Variants in ZNF541 observed in about 807,000 individuals in gnomAD.
ZNF541 encodes zinc finger protein 541.
ZNF541 carries 23 observed loss-of-function variants against 123.5 expected under a neutral mutation model. The observed-to-expected ratio is 0.19, with a 90% CI of 0.13 to 0.26. The LOEUF (loss-of-function observed/expected upper bound fraction) is 0.26, where lower values mean the gene tolerates loss of function less well. Ranked by LOEUF, ZNF541 falls within the 10% of genes least tolerant of loss-of-function variation. The pLI, the probability that ZNF541 is intolerant of heterozygous loss-of-function variation, is 1.00. For missense variants in ZNF541, 1,612 were observed against 1,789.9 expected (o/e 0.90, Z 1.79); for synonymous variants, 751 against 754.5 (o/e 1.00, Z 0.08).
At chr19:47,532,036 C>A in intron 11 of ZNF541, 92 bp downstream of exon 11, 2 of 1,471,050 alleles carry the variant, frequency 1.4e-6, no homozygotes, top group East Asian at 2.5e-5. Context: ...TTGGATCTAG[C>A]GGTCAGGAGT....
chr19:47,558,274 G>C (rs918268233), intron 2 of ZNF541, among the ~76,000 whole-genome samples: 3 of 151,882 alleles, frequency 2.0e-5, no homozygotes, highest in African/African-American at 7.3e-5. Flanking sequence ...AAATTAGCCG[G>C]GCATGGTGGT....
At chr19:47,569,333 T>C (rs1184865033) in intron 2 of ZNF541, among the ~76,000 whole-genome samples, 1 of 152,136 alleles carries the variant, frequency 6.6e-6, no homozygotes, top group Non-Finnish European at 1.5e-5. Context: ...TTGTATGTCA[T>C]CGTATTTAAT....
chr19:47,527,091 T>G (rs1271480236), intron 14 of ZNF541, among the ~76,000 whole-genome samples: 2 of 152,176 alleles, frequency 1.3e-5, no homozygotes, highest in Non-Finnish European at 2.9e-5. Context: ...GTCCATACTG[T>G]GTGACTACTC....
intron 2 of ZNF541, among the ~76,000 whole-genome samples, chr19:47,562,107 G>T (rs1205649046): frequency 6.6e-6 from 1 of 152,102 alleles, no homozygotes; most frequent in Non-Finnish European, 1.5e-5. Flanking sequence ...AAATTAGCTG[G>T]CTGTGGTGGC....
At position 47,572,284 on chromosome 19, in the gene ZNF541, G is replaced by C. The variant is rs1275978324; in HGVS notation, c.-245-242C>G. Among the ~76,000 whole-genome samples the C allele has an allele frequency of 4.6e-5, 7 of 152,204 alleles. No homozygotes were observed. In the Middle Eastern group the frequency reaches 0.014, roughly 296 times the overall value. The stretch of plus-strand genomic sequence containing the variant: ...AATTTTACCGGGAGAAACTTAATTA[G>C]GGCAGAATTGGTGATAAAATAAGGA... On this transcript the variant is annotated intron_variant, in intron 1 of 16. Transcript: ENST00000391901.
intron 2 of ZNF541, among the ~76,000 whole-genome samples, chr19:47,571,258 G>A (rs923575461): frequency 4.0e-5 from 6 of 151,880 alleles, no homozygotes; most frequent in East Asian, 3.9e-4. Context: ...GACTACAGGC[G>A]CCTGCCACCA....
chr19:47,569,934 AGTCTTATAGTTATGTAACCAAT>A (rs1364153759), intron 2 of ZNF541, among the ~76,000 whole-genome samples: 1 of 151,920 alleles, frequency 6.6e-6, no homozygotes, highest in Non-Finnish European at 1.5e-5. Flanking sequence ...TCCCTCCTAT[AGTCTTATAGTTATGTAACCAAT>A]AACTAATTTT....
chr19:47,572,682 G>A (rs1300253914), intron 1 of ZNF541, among the ~76,000 whole-genome samples: 1 of 151,738 alleles, frequency 6.6e-6, no homozygotes, highest in Non-Finnish European at 1.5e-5. Flanking sequence ...GCTAGCGAAT[G>A]CAAGGCCCAG....
chr19:47,545,662 AG>A lies in ZNF541; in HGVS notation c.866del (p.Ser289PhefsTer262), dbSNP rs1363655910. The A allele has an allele frequency of 6.5e-7, 1 of 1,549,370 alleles. No homozygotes were observed. The highest frequency in any genetic ancestry group is 1.2e-5 in the South Asian group (1 of 84,044). On this transcript the variant is annotated frameshift_variant, in exon 5 of 17. Coordinates refer to ENST00000391901, the MANE Select transcript of ZNF541 (RefSeq NM_001277075.3). LOFTEE classifies it high-confidence loss of function. This position sits in a 1 kb window ranked among gnomAD's most constrained non-coding sequence, Gnocchi z 7.5. ...AAGCCCCCGCCGGGGCTGGGCCAGG[AG>A]AAGGGGTCTTCTGGTGGACGATGCT... Reference protein sequence around the residue: ...VSSIVHQKTPSPGPAPAGASD... With the variant: ...VSSIVHQKTPXPGPAPAGASD...
chr19:47,563,758 A>G (rs1037816235), intron 2 of ZNF541, among the ~76,000 whole-genome samples: 2 of 152,026 alleles, frequency 1.3e-5, no homozygotes, highest in African/African-American at 4.8e-5. Context: ...GGCACTCACC[A>G]CCACGCCTGG....
At chr19:47,563,147 G>A (rs1971132336) in intron 2 of ZNF541, among the ~76,000 whole-genome samples, 1 of 152,100 alleles carries the variant, frequency 6.6e-6, no homozygotes, top group African/African-American at 2.4e-5. Context: ...AGCCTATTGA[G>A]GCAGCACAAA....
At chr19:47,530,842 G>A (rs541311759) in intron 12 of ZNF541, among the ~76,000 whole-genome samples, 21 of 151,632 alleles carry the variant, frequency 1.4e-4, no homozygotes, top group Non-Finnish European at 2.7e-4. Context: ...GTAGAGATGG[G>A]GTTTTACCAT....
rs554492503 is a variant in ZNF541, at chr19:47,523,551, T to G, written c.3571-1557A>C. On this transcript the variant is annotated intron_variant, in intron 14 of 16. Transcript: ENST00000391901. ...GTTTAAAAAAAAGTTGGACTTCTGC[T>G]TCTGAACAAGATGGAGCAACAGAAC... Among the ~76,000 whole-genome samples the G allele has an allele frequency of 5.9e-5, 9 of 152,236 alleles. No individual in the cohort carries two copies. The South Asian group carries it at 1.9e-3, about 32-fold the overall frequency.
At chr19:47,539,575 T>C in intron 8 of ZNF541, 130 bp downstream of exon 8, 1 of 1,067,422 alleles carries the variant, frequency 9.4e-7, no homozygotes, top group Non-Finnish European at 1.2e-6. Flanking sequence ...GTGCTGGGAT[T>C]ACAGGCATGA....
chr19:47,540,403 G>T (rs1243256942), intron 6 of ZNF541, 68 bp from the exon 7 acceptor site: 103 of 1,249,530 alleles, frequency 8.2e-5, no homozygotes, highest in South Asian at 3.4e-4. Flanking sequence ...ATTTTTTGTT[G>T]TTTTTTTTTC....
chr19:47,528,089 T>G (rs1599947588), intron 14 of ZNF541, among the ~76,000 whole-genome samples: 1 of 119,564 alleles, frequency 8.4e-6, no homozygotes, highest in Non-Finnish European at 1.7e-5. Context: ...CTGAGGCAGG[T>G]GGATCACCTG....
chr19:47,539,525 T>C (rs905703401), intron 8 of ZNF541, among the ~76,000 whole-genome samples, 180 bp downstream of exon 8: 1 of 152,050 alleles, frequency 6.6e-6, no homozygotes, highest in Admixed American at 6.6e-5. Flanking sequence ...TGGTCTCGAA[T>C]ACCTGAGCTC....
At chr19:47,538,573 G>A (rs755228576) in intron 8 of ZNF541, 134 bp from the exon 9 acceptor site, 56 of 961,268 alleles carry the variant, frequency 5.8e-5, no homozygotes, top group Admixed American at 9.2e-5. Context: ...CGGCAAAGGA[G>A]GCTGGCCACA....
chr19:47,544,159 G>C lies in ZNF541; in HGVS notation c.2370C>G (p.Ser790=). ...FSSAGPPADP[S]KSKLTIFSRI... ...TGCTGAATATTGTCAGCTTGGACTT[G>C]GAGGGATCTGCCGGGGGCCCGGCCG... is the stretch of plus-strand genomic sequence containing the variant. Residue 790 remains serine, a synonymous_variant, in exon 5 of 17, where the codon TCC becomes TCG. Coordinates refer to ENST00000391901, the MANE Select transcript of ZNF541 (RefSeq NM_001277075.3). The C allele has an allele frequency of 1.3e-6, 2 of 1,551,592 alleles. No homozygotes were observed. Among genetic ancestry groups the C allele is most frequent in the Non-Finnish European group, 1.7e-6 (2 of 1,146,892 alleles).
Sources: allele counts gnomAD v4.1 joint callset (sites outside exome capture counted in the v4.1 genomes callset), GRCh38; gene constraint gnomAD v4.1.1; non-coding constraint Gnocchi (gnomAD v3.1); transcripts MANE v1.5; gene names NCBI Gene and HGNC (gene_info 2026-07-23, HGNC 2026-07-21).